Variants in MED13L observed in about 807,000 individuals in gnomAD.
MED13L encodes mediator complex subunit 13L, also known as mediator of RNA polymerase II transcription subunit 13-like.
In MED13L, 7 loss-of-function variants were observed where a neutral mutation model predicts 220.9. That is an observed-to-expected ratio of 0.03 (90% CI 0.02 to 0.06). MED13L has a LOEUF of 0.06. MED13L is among the 10% of genes least tolerant of loss of function. MED13L has a pLI of 1.00. For missense variants in MED13L, 1,965 were observed against 2,760.5 expected (o/e 0.71, Z 6.46); for synonymous variants, 1,011 against 1,015.2 (o/e 1.00, Z 0.08).
intron 2 of MED13L, among the ~76,000 whole-genome samples, chr12:116,185,327 A>T (rs1211685987): frequency 6.6e-6 from 1 of 152,088 alleles, no homozygotes; most frequent in East Asian, 1.9e-4. Flanking sequence ...GACCTACTTG[A>T]TCACTATAAC....
At chr12:116,104,930 GA>G (rs1565879583) in intron 3 of MED13L, among the ~76,000 whole-genome samples, 2 of 152,142 alleles carry the variant, frequency 1.3e-5, no homozygotes, top group African/African-American at 4.8e-5. Flanking sequence ...GAAGCAATAA[GA>G]AAAACTCTTT....
intron 2 of MED13L, among the ~76,000 whole-genome samples, chr12:116,160,993 CG>C (rs1878814855): frequency 6.6e-6 from 1 of 152,068 alleles, no homozygotes; most frequent in Non-Finnish European, 1.5e-5. Context: ...AGAAAATAAA[CG>C]TATTTCTTAT....
intron 4 of MED13L, among the ~76,000 whole-genome samples, chr12:116,040,348 C>T (rs979409426): frequency 1.3e-5 from 2 of 152,052 alleles, no homozygotes; most frequent in Non-Finnish European, 1.5e-5. Flanking sequence ...CTATTTGAAT[C>T]AAATTATCAT....
At chr12:116,091,120 C>CAAAA (rs5801163) in intron 4 of MED13L, among the ~76,000 whole-genome samples, 26 of 87,378 alleles carry the variant, frequency 3.0e-4, no homozygotes, top group Non-Finnish European at 3.7e-4. Context: ...AACTCTGTCT[C>CAAAA]AAAAAAAAAA....
chr12:115,995,191 G>A (rs189467292), intron 16 of MED13L, among the ~76,000 whole-genome samples: 2 of 152,108 alleles, frequency 1.3e-5, no homozygotes, highest in Non-Finnish European at 2.9e-5. Context: ...CAAACTTGCA[G>A]CCCAGAGGCT....
rs112150640 is a variant in MED13L at position 116,242,683 on chromosome 12, G to A, written c.73-4978C>T. On this transcript the variant is annotated intron_variant, in intron 1 of 30. Coordinates refer to ENST00000281928, the MANE Select transcript of MED13L (RefSeq NM_015335.5). ...TTTCATATATTATTTCTAATACCGAGCACCATACTAGTGACTTCATATATA... is the reference window on the plus strand; with the variant it reads ...TTTCATATATTATTTCTAATACCGAACACCATACTAGTGACTTCATATATA... Among the ~76,000 whole-genome samples the A allele has an allele frequency of 1.7e-3, 252 of 152,220 alleles. 5 individuals carry two copies. The highest frequency in any genetic ancestry group is 5.7e-3 in the African/African-American group (238 of 41,532).
chr12:116,122,247 C>G (rs905874215), intron 2 of MED13L, among the ~76,000 whole-genome samples: 9 of 152,186 alleles, frequency 5.9e-5, no homozygotes, highest in African/African-American at 1.7e-4. Flanking sequence ...TATCTGCTTT[C>G]TTAAAAACTG....
At chr12:116,043,487 T>C (rs1724593978) in intron 4 of MED13L, among the ~76,000 whole-genome samples, 1 of 152,174 alleles carries the variant, frequency 6.6e-6, no homozygotes, top group Admixed American at 6.5e-5. Flanking sequence ...ATGTGGTACA[T>C]TAATCATGTT....
rs531456644 is a variant in MED13L, at chr12:116,146,322, A to AT, written c.311-34811dup. Among the ~76,000 whole-genome samples the AT allele has an allele frequency of 2.9e-3, 434 of 151,916 alleles. 1 individual carries two copies. Among genetic ancestry groups the AT allele is most frequent in the African/African-American group, 0.01 (415 of 41,450 alleles). On this transcript the variant is annotated intron_variant, in intron 2 of 30. Transcript: ENST00000281928. ...GTTTTAGTAGAGATGGGCTTTCACC[A>AT]TGTTGGCCAAGATGGTCTCGATCTC...
intron 17 of MED13L, among the ~76,000 whole-genome samples, chr12:115,987,798 C>CAG (rs1877797420): frequency 6.6e-6 from 1 of 152,144 alleles, no homozygotes. Context: ...TCAGTGCAGC[C>CAG]AGAGGCACAG....
intron 16 of MED13L, 92 bp downstream of exon 16, chr12:115,996,384 G>A (rs1878406047): frequency 7.6e-6 from 11 of 1,438,114 alleles, no homozygotes; most frequent in African/African-American, 2.8e-5. Flanking sequence ...GAGCCACCGC[G>A]CCCGGACCTT....
chr12:116,098,421 C>G (rs1163936271), intron 3 of MED13L, among the ~76,000 whole-genome samples: 2 of 152,110 alleles, frequency 1.3e-5, no homozygotes, highest in Non-Finnish European at 2.9e-5. Context: ...TTCTTCTATA[C>G]AGGGTCCTAC....
chr12:116,202,667 T>G (rs1002098431), intron 2 of MED13L, among the ~76,000 whole-genome samples: 3 of 152,152 alleles, frequency 2.0e-5, no homozygotes, highest in Non-Finnish European at 4.4e-5. Flanking sequence ...TTACGCATTT[T>G]TAAATCTCCT....
Position 116,253,753 on chromosome 12 carries a change from G to GTTTTTTTTT in MED13L, c.73-16057_73-16049dup, listed in dbSNP as rs746923184. Among the ~76,000 whole-genome samples, 188 of 76,566 alleles carry GTTTTTTTTT rather than the reference G, an allele frequency of 2.5e-3. 1 individual carries two copies. The highest frequency in any genetic ancestry group is 3.3e-3 in the East Asian group (8 of 2,430). 50.2% of individuals were successfully genotyped at this position (76,566 alleles called of 152,430 possible). A position where few individuals can be genotyped will look rare whatever the true frequency, so the allele number is the denominator to read the frequency against. ...AATACCCACCTTCACGGTTTTTTTT[G>GTTTTTTTTT]TTTTTTTTTTTTTTTTTTTTTTTTT... On this transcript the variant is annotated intron_variant, in intron 1 of 30. Transcript: ENST00000281928.
At chr12:116,202,656 C>G (rs1486267412) in intron 2 of MED13L, among the ~76,000 whole-genome samples, 1 of 152,118 alleles carries the variant, frequency 6.6e-6, no homozygotes, top group African/African-American at 2.4e-5. Flanking sequence ...CATGCCTCGG[C>G]TTACGCATTT....
At chr12:116,234,953 A>G (rs983742853) in intron 2 of MED13L, among the ~76,000 whole-genome samples, 4 of 152,094 alleles carry the variant, frequency 2.6e-5, no homozygotes, top group African/African-American at 9.7e-5. Context: ...GTGAGCCACC[A>G]TGCTCCGCCT....
intron 2 of MED13L, 111 bp from the exon 3 acceptor site, chr12:116,111,623 G>A (rs1874098702): frequency 2.6e-6 from 2 of 780,972 alleles, no homozygotes; most frequent in Admixed American, 2.6e-5. Flanking sequence ...TAATTTAAAT[G>A]ACTTAAATAA....
intron 1 of MED13L, among the ~76,000 whole-genome samples, chr12:116,245,977 T>C (rs1871064296): frequency 1.3e-5 from 2 of 152,138 alleles, no homozygotes; most frequent in South Asian, 2.1e-4. Context: ...CTGTAAACTT[T>C]CAGCACACTG....
At position 115,960,189 on chromosome 12, in the gene MED13L, C is replaced by T. The variant is rs1875672832; in HGVS notation, c.*1077G>A. 1 of 152,568 alleles carries T rather than the reference C, an allele frequency of 6.6e-6. No individual in the cohort carries two copies. The highest frequency in any genetic ancestry group is 2.1e-4 in the South Asian group (1 of 4,832). The allele number at this position is 152,568 out of a possible 1,614,324, so 9.5% of individuals were successfully genotyped here. A position where few individuals can be genotyped will look rare whatever the true frequency, so the allele number is the denominator to read the frequency against. On this transcript the variant is annotated 3_prime_UTR_variant, in exon 31 of 31. Transcript: ENST00000281928. ...ATATTCCTATGGTCCAGAAAAAATTCACCATATTTATAACTGATTTCATGA... is the reference window on the plus strand; with the variant it reads ...ATATTCCTATGGTCCAGAAAAAATTTACCATATTTATAACTGATTTCATGA...
Sources: allele counts gnomAD v4.1 joint callset (sites outside exome capture counted in the v4.1 genomes callset), GRCh38; gene constraint gnomAD v4.1.1; transcripts MANE v1.5; gene names NCBI Gene and HGNC (gene_info 2026-07-23, HGNC 2026-07-21).